Variants in CALD1 observed in about 807,000 individuals in gnomAD.
The protein encoded by CALD1 is caldesmon 1, also known as caldesmon.
In CALD1, 33 loss-of-function variants were observed where a neutral mutation model predicts 99.9. The observed-to-expected ratio is 0.33, with a 90% CI of 0.25 to 0.44. CALD1 has a LOEUF of 0.44. Among genes scored for constraint, CALD1 ranks in the 20% least tolerant of loss-of-function variants. The pLI, the probability that CALD1 is intolerant of heterozygous loss-of-function variation, is 1.00. For synonymous variants in CALD1, 310 were observed against 325.0 expected (o/e 0.95, Z 0.50); for missense variants, 861 against 962.1 (o/e 0.89, Z 1.39).
At chr7:134,875,714 G>T (rs1801316616) in intron 3 of CALD1, among the ~76,000 whole-genome samples, 2 of 152,330 alleles carry the variant, frequency 1.3e-5, no homozygotes, top group Middle Eastern at 3.4e-3. Flanking sequence ...CTGAACTAAG[G>T]AAAGTCCTGC....
the CALD1 span, among the ~76,000 whole-genome samples, chr7:134,731,170 C>T: frequency 6.6e-6 from 1 of 152,026 alleles, no homozygotes; most frequent in Non-Finnish European, 1.5e-5. Flanking sequence ...CTCTTCCACA[C>T]TCTCTCTCTC....
chr7:134,906,824 C>T (rs750410445), intron 3 of CALD1, among the ~76,000 whole-genome samples: 3 of 152,096 alleles, frequency 2.0e-5, no homozygotes, highest in South Asian at 2.1e-4. Context: ...CCTTTGTTTA[C>T]GGGTCCCTGG....
At chr7:134,960,228 C>A in intron 12 of CALD1, 117 bp downstream of exon 12, 3 of 1,236,812 alleles carry the variant, frequency 2.4e-6, no homozygotes, top group South Asian at 1.4e-5. Flanking sequence ...GCAATTTGTA[C>A]TTTGTTTTGC....
chr7:134,822,323 A>T (rs1303679616), intron 1 of CALD1, among the ~76,000 whole-genome samples: 5 of 152,170 alleles, frequency 3.3e-5, no homozygotes, highest in African/African-American at 4.8e-5. Flanking sequence ...CAGATGTGTG[A>T]GAAAATGTTA....
At chr7:134,853,710 T>C (rs1439634666) in intron 2 of CALD1, among the ~76,000 whole-genome samples, 1 of 152,208 alleles carries the variant, frequency 6.6e-6, no homozygotes, top group Non-Finnish European at 1.5e-5. Context: ...GAATTTTTTA[T>C]TTATTTATTT....
intron 1 of CALD1, among the ~76,000 whole-genome samples, chr7:134,834,898 G>A (rs1230710778): frequency 6.6e-6 from 1 of 152,204 alleles, no homozygotes; most frequent in African/African-American, 2.4e-5. Context: ...AGGGCCCTGT[G>A]CACAAAATGG....
chr7:134,889,141 C>T (rs1007232651), intron 3 of CALD1, among the ~76,000 whole-genome samples: 7 of 152,208 alleles, frequency 4.6e-5, no homozygotes, highest in East Asian at 3.8e-4. Context: ...TGGCTTTAAA[C>T]GACACAACTT....
rs1391362569 is a variant in CALD1 at position 134,969,842 on chromosome 7, TTCTAG to T, written c.*1499_*1503del. On this transcript the variant is annotated 3_prime_UTR_variant, in exon 15 of 15. Transcript: ENST00000361675. ...AGTCCTCCAGTGTCTTGGCAAAATGTTCTAGTATAGCTGGATACATACAGTGGAGT... is the reference window on the plus strand; with the variant it reads ...AGTCCTCCAGTGTCTTGGCAAAATGTTATAGCTGGATACATACAGTGGAGT... 1 of 152,654 alleles carries T rather than the reference TTCTAG, an allele frequency of 6.6e-6. No individual in the cohort carries two copies. The highest frequency in any genetic ancestry group is 2.4e-5 in the African/African-American group (1 of 41,460). 9.5% of individuals were successfully genotyped at this position (152,654 alleles called of 1,614,324 possible).
chr7:134,927,894 TATA>T (rs779271411), intron 3 of CALD1, among the ~76,000 whole-genome samples: 41 of 148,242 alleles, frequency 2.8e-4, no homozygotes, highest in Admixed American at 8.8e-4. Flanking sequence ...TATTATTTAA[TATA>T]ATATTTAATT....
intron 2 of CALD1, among the ~76,000 whole-genome samples, chr7:134,864,468 A>G (rs551054004): frequency 8.0e-5 from 12 of 149,282 alleles, no homozygotes; most frequent in South Asian, 4.2e-4. Context: ...GCTCAATCTC[A>G]GCTCACTGCA....
the CALD1 span, among the ~76,000 whole-genome samples, chr7:134,738,698 A>C: frequency 4.6e-5 from 7 of 152,242 alleles, no homozygotes; most frequent in African/African-American, 1.7e-4. Context: ...CGGCATGTCA[A>C]GATAATTTTA....
intron 3 of CALD1, among the ~76,000 whole-genome samples, chr7:134,923,133 C>T (rs942041151): frequency 1.3e-5 from 2 of 152,304 alleles, no homozygotes; most frequent in Non-Finnish European, 2.9e-5. Context: ...TCCAATGAGC[C>T]ATGTTGCTGT....
At chr7:134,829,239 A>C (rs1318768062) in intron 1 of CALD1, among the ~76,000 whole-genome samples, 1 of 152,248 alleles carries the variant, frequency 6.6e-6, no homozygotes, top group Non-Finnish European at 1.5e-5. Context: ...ACATGAAGAC[A>C]AAGAGCAGAG....
chr7:134,832,785 G>T (rs1415272603), intron 1 of CALD1, among the ~76,000 whole-genome samples: 4 of 151,934 alleles, frequency 2.6e-5, no homozygotes, highest in African/African-American at 9.7e-5. Context: ...TCCTTTTTTT[G>T]GTTTCTTCCT....
At chr7:134,869,379 T>C (rs1213540302) in intron 3 of CALD1, among the ~76,000 whole-genome samples, 4 of 152,178 alleles carry the variant, frequency 2.6e-5, no homozygotes, top group African/African-American at 7.2e-5. Flanking sequence ...TTATGTGCGA[T>C]GACACTATGC....
At chr7:134,872,054 C>T (rs1297896576) in intron 3 of CALD1, among the ~76,000 whole-genome samples, 1 of 152,202 alleles carries the variant, frequency 6.6e-6, no homozygotes, top group African/African-American at 2.4e-5. Flanking sequence ...ATAACCTCGA[C>T]TGCAAACGTA....
intron 2 of CALD1, among the ~76,000 whole-genome samples, chr7:134,864,880 T>C (rs1161563075): frequency 6.6e-6 from 1 of 152,188 alleles, no homozygotes; most frequent in African/African-American, 2.4e-5. Flanking sequence ...CCTCAGTAAA[T>C]TTTTCAATAG....
chr7:134,891,963 G>A (rs1242164815), intron 3 of CALD1, among the ~76,000 whole-genome samples: 1 of 152,050 alleles, frequency 6.6e-6, no homozygotes, highest in Non-Finnish European at 1.5e-5. Context: ...GGGTTTCTCC[G>A]TTTCAAATAC....
chr7:134,854,324 C>T lies in CALD1; in HGVS notation c.-42+10353C>T, dbSNP rs575346887. ...CAATGGTTGAACTAACTTACACTCC[C>T]ACCAACAGTGTAAAAGCATTCCTGT... On this transcript the variant is annotated intron_variant, in intron 2 of 14. Transcript: ENST00000361675. 6.3e-4 allele frequency among the ~76,000 whole-genome samples: 96 copies of T among 152,286 alleles called. No individual in the cohort carries two copies. The South Asian group carries it at 7.1e-3, about 11-fold the overall frequency.
Sources: gnomAD v4.1 joint callset for allele counts (sites outside exome capture counted in the v4.1 genomes callset) on GRCh38, gnomAD v4.1.1 for gene constraint, MANE v1.5 for transcripts, NCBI Gene and HGNC (gene_info 2026-07-23, HGNC 2026-07-21) for gene names.